Variants in CASZ1 observed in about 807,000 individuals in gnomAD.
The protein encoded by CASZ1 is castor zinc finger 1.
Under a neutral mutation model 135.2 loss-of-function variants are expected in CASZ1, and 28 were observed. The ratio of observed to expected loss-of-function variants is 0.21; its 90% CI spans 0.15 to 0.28. The LOEUF (loss-of-function observed/expected upper bound fraction) is 0.28. Among genes scored for constraint, CASZ1 ranks in the 10% least tolerant of loss-of-function variants. The pLI is 1.00. For synonymous variants in CASZ1, 1,068 were observed against 1,073.4 expected, an observed-to-expected ratio of 0.99 and a Z score of 0.10; for missense variants, 2,161 against 2,453.3, an observed-to-expected ratio of 0.88 and a Z score of 2.52.
chr1:10,684,110 C>T (rs1638509855), intron 4 of CASZ1, among the ~76,000 whole-genome samples: 1 of 150,048 alleles, frequency 6.7e-6, no homozygotes, highest in South Asian at 2.1e-4. Flanking sequence ...TCCAAGGGAA[C>T]TGATGAGGAG....
rs1052620558 is a variant in CASZ1, at chr1:10,767,106, C to T, written c.-233-6249G>A. Among the ~76,000 whole-genome samples the T allele has an allele frequency of 2.0e-5, 3 of 152,164 alleles. No homozygotes were observed. The highest frequency in any genetic ancestry group is 2.0e-4 in the Admixed American group (3 of 15,266). ...GCCCGTTGACTGCTGATGGAAGGAA[C>T]GAGGAGTGGGGAAAAGATGGGGCCC... On this transcript the variant is annotated intron_variant, in intron 1 of 20. Coordinates refer to ENST00000377022, the MANE Select transcript of CASZ1 (RefSeq NM_001079843.3). This position sits in a 1 kb window ranked among gnomAD's most constrained non-coding sequence, Gnocchi z 4.2.
At chr1:10,743,516 G>A (rs897403420) in intron 2 of CASZ1, among the ~76,000 whole-genome samples, 8 of 151,666 alleles carry the variant, frequency 5.3e-5, no homozygotes, top group African/African-American at 1.9e-4. Context: ...ATGGGCTGGG[G>A]GCCGGGGGAG....
At chr1:10,655,557 G>T in intron 9 of CASZ1, 92 bp downstream of exon 9, 1 of 1,262,804 alleles carries the variant, frequency 7.9e-7, no homozygotes, top group Non-Finnish European at 1.1e-6. Flanking sequence ...CCTGCCCATG[G>T]GGCAGCCCTG....
At chr1:10,675,541 C>T (rs1379533692) in intron 4 of CASZ1, among the ~76,000 whole-genome samples, 1 of 152,102 alleles carries the variant, frequency 6.6e-6, no homozygotes, top group Non-Finnish European at 1.5e-5. Context: ...AGCCCAGTGC[C>T]TCGGTCACAT....
chr1:10,658,475 C>T (rs772459009), intron 7 of CASZ1, 33 bp downstream of exon 7: 2 of 1,587,506 alleles, frequency 1.3e-6, no homozygotes, highest in Admixed American at 1.7e-5. Flanking sequence ...CCCCCACCTT[C>T]TCTCCACGGC....
At chr1:10,665,606 C>A in intron 4 of CASZ1, 35 bp from the exon 5 acceptor site, 2 of 1,502,008 alleles carry the variant, frequency 1.3e-6, no homozygotes, top group Non-Finnish European at 1.8e-6. Context: ...AGGTCAGAGG[C>A]GTGCAAGGCC....
At chr1:10,728,985 G>A (rs1162240420) in intron 2 of CASZ1, among the ~76,000 whole-genome samples, 4 of 152,234 alleles carry the variant, frequency 2.6e-5, no homozygotes, top group African/African-American at 7.2e-5. Flanking sequence ...CCCACTCTCC[G>A]GACAGCTATT....
rs1246909210 is a variant in CASZ1 at position 10,697,912 on chromosome 1, G to T, written c.-23-4000C>A. On this transcript the variant is annotated intron_variant, in intron 3 of 20. Coordinates refer to ENST00000377022, the MANE Select transcript of CASZ1 (RefSeq NM_001079843.3). This position sits in a 1 kb window ranked among gnomAD's most constrained non-coding sequence, Gnocchi z 4.7. ...CGTGTGAGCCCGCTCCGGGGCCGAT[G>T]GAGGGAGGGTGTCGGGAAAGCTGTG... Among the ~76,000 whole-genome samples the T allele has an allele frequency of 2.0e-5, 3 of 152,258 alleles. No individual in the cohort carries two copies. Among genetic ancestry groups the T allele is most frequent in the African/African-American group, 7.2e-5 (3 of 41,464 alleles).
rs1250965571 is a variant in CASZ1, at chr1:10,757,720, G to A, written c.-77+2981C>T. On this transcript the variant is annotated intron_variant, in intron 2 of 20. Coordinates refer to ENST00000377022, the MANE Select transcript of CASZ1 (RefSeq NM_001079843.3). This position sits in a 1 kb window ranked among gnomAD's most constrained non-coding sequence, Gnocchi z 4.6. ...GGAGAATCACCTGAACCCGGGAGGC[G>A]GAGGTTGCAGTGAGCCAAGATTGCA... is the stretch of plus-strand genomic sequence containing the variant. 6.6e-6 allele frequency among the ~76,000 whole-genome samples: 1 copy of A among 152,116 alleles called. No homozygotes were observed. The highest frequency in any genetic ancestry group is 1.5e-5 in the Non-Finnish European group (1 of 68,002).
At chr1:10,661,130 G>A (rs114579327) in intron 5 of CASZ1, 2,277 of 156,982 alleles carry the variant, frequency 0.015, 25 homozygotes, top group Non-Finnish European at 0.022. Flanking sequence ...CACCTTCCCA[G>A]GTGCTGAGGG....
intron 4 of CASZ1, among the ~76,000 whole-genome samples, chr1:10,690,436 T>C (rs1192921030): frequency 6.6e-6 from 1 of 152,214 alleles, no homozygotes; most frequent in Non-Finnish European, 1.5e-5. Context: ...TCTCAAAGCA[T>C]GGGGCTACTG....
intron 5 of CASZ1, among the ~76,000 whole-genome samples, chr1:10,663,072 C>T (rs746627766): frequency 6.6e-6 from 1 of 152,226 alleles, no homozygotes; most frequent in Non-Finnish European, 1.5e-5. Context: ...ACCTGCACGG[C>T]CCCCGGGGAC....
chr1:10,709,692 G>A lies in CASZ1; in HGVS notation c.-76-4148C>T, dbSNP rs767464682. Among the ~76,000 whole-genome samples, 1 of 152,178 alleles carries A rather than the reference G, an allele frequency of 6.6e-6. No homozygotes were observed. Among genetic ancestry groups the A allele is most frequent in the African/African-American group, 2.4e-5 (1 of 41,442 alleles). On this transcript the variant is annotated intron_variant, in intron 2 of 20. Coordinates refer to ENST00000377022, the MANE Select transcript of CASZ1 (RefSeq NM_001079843.3). This position sits in a 1 kb window ranked among gnomAD's most constrained non-coding sequence, Gnocchi z 5.1. ...CGAATCAAAGTGCTGCCCGGAGGACGGCTGGGGAGAGAAAGGCCCCAGGCA... is the reference window on the plus strand; with the variant it reads ...CGAATCAAAGTGCTGCCCGGAGGACAGCTGGGGAGAGAAAGGCCCCAGGCA...
chr1:10,693,855 C>A lies in CASZ1; in HGVS notation c.16+19G>T, dbSNP rs372487900. 38 of 1,609,212 alleles carry A rather than the reference C, an allele frequency of 2.4e-5. No homozygotes were observed. Among genetic ancestry groups the A allele is most frequent in the Non-Finnish European group, 3.2e-5 (38 of 1,176,614 alleles). On this transcript the variant is annotated intron_variant, in intron 4 of 20. Transcript: ENST00000377022. Reference sequence around the variant, plus strand: ...AAGAAAAGTGAAAGAGCCGCCCCTGCGTTCCCACCGGCCGGTACCTGTTCC... The same window carrying A: ...AAGAAAAGTGAAAGAGCCGCCCCTGAGTTCCCACCGGCCGGTACCTGTTCC...
intron 8 of CASZ1, among the ~76,000 whole-genome samples, chr1:10,656,076 A>G (rs1425489847): frequency 1.3e-5 from 2 of 152,186 alleles, no homozygotes. Context: ...AGCACAGATG[A>G]TGCATTGGGC....
Position 10,725,568 on chromosome 1 carries a change from G to T in CASZ1, c.-76-20024C>A, listed in dbSNP as rs192491950. ...AAGAGTTCAGAATTTTAATGGTGTT[G>T]TAAGTAATTTTTAGGTAATCCACTC... On this transcript the variant is annotated intron_variant, in intron 2 of 20. Coordinates refer to ENST00000377022, the MANE Select transcript of CASZ1 (RefSeq NM_001079843.3). The surrounding 1 kb of genome is among the most constrained non-coding windows in gnomAD (Gnocchi z 4.4). Among the ~76,000 whole-genome samples the T allele has an allele frequency of 1.3e-4, 20 of 152,334 alleles. No homozygotes were observed. Among genetic ancestry groups the T allele is most frequent in the Non-Finnish European group, 2.6e-4 (18 of 68,040 alleles).
At position 10,700,627 on chromosome 1, in the gene CASZ1, T is replaced by A. The variant is rs1639042534; in HGVS notation, c.-24+4865A>T. ...TGGAGCACCAGCTCTGGAGTCTCAG[T>A]ACCTGGGTTCACACCGCAGCTCCAT... On this transcript the variant is annotated intron_variant, in intron 3 of 20. Transcript: ENST00000377022. The surrounding 1 kb of genome is among the most constrained non-coding windows in gnomAD (Gnocchi z 4.2). Among the ~76,000 whole-genome samples the A allele has an allele frequency of 6.6e-6, 1 of 152,150 alleles. No homozygotes were observed. The highest frequency in any genetic ancestry group is 1.5e-5 in the Non-Finnish European group (1 of 68,014).
At chr1:10,763,138 C>T (rs1003094655) in intron 1 of CASZ1, among the ~76,000 whole-genome samples, 7 of 152,218 alleles carry the variant, frequency 4.6e-5, no homozygotes, top group South Asian at 2.1e-4. Context: ...GCACAGGCCG[C>T]GGGGCCTTCC....
chr1:10,645,284 G>A (rs888650381), intron 17 of CASZ1, among the ~76,000 whole-genome samples, 196 bp from the exon 18 acceptor site: 3 of 152,212 alleles, frequency 2.0e-5, no homozygotes, highest in Non-Finnish European at 4.4e-5. Flanking sequence ...TAATCCCAGC[G>A]CTTTGGGAGG....
Sources: allele counts gnomAD v4.1 joint callset (sites outside exome capture counted in the v4.1 genomes callset), GRCh38; gene constraint gnomAD v4.1.1; non-coding constraint Gnocchi (gnomAD v3.1); transcripts MANE v1.5; gene names NCBI Gene and HGNC (gene_info 2026-07-23, HGNC 2026-07-21).